SPINT4: variants seen among roughly 807,000 people sequenced by gnomAD.
The protein encoded by SPINT4 is kunitz-type protease inhibitor 4.
In SPINT4, 7 loss-of-function variants were observed where a neutral mutation model predicts 9.4. The ratio of observed to expected loss-of-function variants is 0.74; its 90% confidence interval spans 0.42 to 1.40. The LOEUF (loss-of-function observed/expected upper bound fraction) is 1.40. SPINT4 is among the 40% of genes most tolerant of loss of function. SPINT4 has a pLI of 0.01. For missense variants in SPINT4, 105 were observed against 114.4 expected, an observed-to-expected ratio of 0.92 and a Z score of 0.37; for synonymous variants, 36 against 39.9, an observed-to-expected ratio of 0.90 and a Z score of 0.37.
chr20:45,723,279 C>G lies in SPINT4; in HGVS notation c.116-601C>G, dbSNP rs1464630350. ...TGTTCCAACCACTTACTACCCAACT[C>G]TTAACAATAAAAACAGAGGGTTTGC... On this transcript the variant is annotated intron_variant, in intron 1 of 2. Coordinates refer to ENST00000279058, the MANE Select transcript of SPINT4 (RefSeq NM_178455.3). Among the ~76,000 whole-genome samples, 10 of 152,008 alleles carry G rather than the reference C, an allele frequency of 6.6e-5. 1 individual carries two copies. The highest frequency in any genetic ancestry group is 1.5e-4 in the Non-Finnish European group (10 of 67,962).
chr20:45,722,552 G>A, intron 1 of SPINT4, 70 bp downstream of exon 1: 1 of 1,175,182 alleles, frequency 8.5e-7, no homozygotes, highest in Non-Finnish European at 1.3e-6. Flanking sequence ...TGGGAGAAAA[G>A]TGTGTTATCT....
At chr20:45,724,668 A>G (rs929192594) in intron 2 of SPINT4, among the ~76,000 whole-genome samples, 1 of 151,598 alleles carries the variant, frequency 6.6e-6, no homozygotes, top group Non-Finnish European at 1.5e-5. Flanking sequence ...ATTAACATAT[A>G]TTGATATAAT....
At chr20:45,724,236 C>T (rs1420188673) in intron 2 of SPINT4, among the ~76,000 whole-genome samples, 179 bp downstream of exon 2, 1 of 151,934 alleles carries the variant, frequency 6.6e-6, no homozygotes, top group African/African-American at 2.4e-5. Context: ...TGCCTGTAAC[C>T]CCAGCACTTT....
At chr20:45,723,728 T>A in intron 1 of SPINT4, 152 bp from the exon 2 acceptor site, 1 of 653,032 alleles carries the variant, frequency 1.5e-6, no homozygotes. Context: ...TCCAAGCAAC[T>A]CTAACTCCAA....
At chr20:45,724,979 C>CAAAAAAAAAAAAAAAAAAAAA (rs1168670011) in intron 2 of SPINT4, among the ~76,000 whole-genome samples, 4 of 27,184 alleles carry the variant, frequency 1.5e-4, no homozygotes, top group African/African-American at 2.9e-4. Flanking sequence ...GACTCCATCT[C>CAAAAAAAAAAAAAAAAAAAAA]AAAAAAAAAA....
chr20:45,725,729 T>A lies in SPINT4; in HGVS notation c.*94T>A. The A allele has an allele frequency of 6.6e-7, 1 of 1,526,052 alleles. No individual in the cohort carries two copies. Among genetic ancestry groups the A allele is most frequent in the Non-Finnish European group, 9.1e-7 (1 of 1,100,240 alleles). 94.5% of individuals were successfully genotyped at this position (1,526,052 alleles called of 1,614,324 possible). A position where few individuals can be genotyped will look rare whatever the true frequency, so the allele number is the denominator to read the frequency against. The stretch of plus-strand genomic sequence containing the variant: ...TTTTGAAATCTTTGTAATATTTCCA[T>A]AATGCTTTAAGCTTCCATATGTTTG... On this transcript the variant is annotated 3_prime_UTR_variant, in exon 3 of 3. Coordinates refer to ENST00000279058, the MANE Select transcript of SPINT4 (RefSeq NM_178455.3).
intron 2 of SPINT4, 80 bp downstream of exon 2, chr20:45,724,137 T>A: frequency 7.1e-7 from 1 of 1,418,204 alleles, no homozygotes. Flanking sequence ...AGAAAATTGA[T>A]CAGGGGCTAA....
intron 2 of SPINT4, 49 bp downstream of exon 2, chr20:45,724,106 G>T (rs772470735): frequency 6.5e-7 from 1 of 1,541,032 alleles, no homozygotes; most frequent in Non-Finnish European, 8.7e-7. Context: ...TAAAAGAAGA[G>T]GTTTTGACAT....
intron 2 of SPINT4, 133 bp downstream of exon 2, chr20:45,724,190 GT>G (rs1325014842): frequency 9.9e-7 from 1 of 1,011,786 alleles, no homozygotes; most frequent in Non-Finnish European, 1.4e-6. Flanking sequence ...CAAATAAGAA[GT>G]TTTAACAGTT....
intron 2 of SPINT4, 131 bp from the exon 3 acceptor site, chr20:45,725,498 A>G (rs1978355411): frequency 1.1e-6 from 1 of 915,732 alleles, no homozygotes; most frequent in Admixed American, 2.0e-5. Flanking sequence ...AATCAATAAA[A>G]TAAGGGAAAC....
At chr20:45,723,812 C>A in intron 1 of SPINT4, 68 bp from the exon 2 acceptor site, 1 of 1,331,908 alleles carries the variant, frequency 7.5e-7, no homozygotes, top group Non-Finnish European at 1.0e-6. Context: ...TTTAAGGGCC[C>A]ATAAAGACAA....
At position 45,725,749 on chromosome 20, in the gene SPINT4, T is replaced by C. The variant is rs1316663165; in HGVS notation, c.*114T>C. On this transcript the variant is annotated 3_prime_UTR_variant, in exon 3 of 3. Transcript: ENST00000279058. ...TTCCATAATGCTTTAAGCTTCCATA[T>C]GTTTGCTATTTTCCTGACCCTAGTT... The C allele has an allele frequency of 2.6e-5, 35 of 1,365,488 alleles. 1 individual carries two copies. The highest frequency in any genetic ancestry group is 3.5e-5 in the Non-Finnish European group (34 of 961,392). The allele number at this position is 1,365,488 out of a possible 1,614,324, so 84.6% of individuals were successfully genotyped here.
intron 1 of SPINT4, among the ~76,000 whole-genome samples, chr20:45,722,816 G>C (rs1481786364): frequency 6.6e-6 from 1 of 152,120 alleles, no homozygotes; most frequent in East Asian, 1.9e-4. Context: ...AGAGAGAAAG[G>C]GGGTTGGAGA....
chr20:45,725,596 C>G (rs1303667026), intron 2 of SPINT4, 33 bp from the exon 3 acceptor site: 1 of 1,613,318 alleles, frequency 6.2e-7, no homozygotes, highest in African/African-American at 1.3e-5. Context: ...CCTGTAACAC[C>G]GATTTGGGTT....
At position 45,722,457 on chromosome 20, in the gene SPINT4, G is replaced by A. The variant is rs8117724; in HGVS notation, c.90G>A (p.Ala30=). 534 of 1,612,382 alleles carry A rather than the reference G, an allele frequency of 3.3e-4. 7 individuals are homozygous for A. Among genetic ancestry groups the A allele is most frequent in the Middle Eastern group, 1.3e-3 (8 of 6,062 alleles). Residue 30 remains alanine (A), a synonymous_variant, in exon 1 of 3, where the codon GCG becomes GCA. Transcript: ENST00000279058. ...TLLLGGVNKI[A]EKICGDLKDP... is the part of the protein sequence containing the mutation. The stretch of plus-strand genomic sequence containing the variant: ...TATTGGGTGGTGTTAATAAAATTGC[G>A]GAGAAGATATGTGGAGACCTCAAAG...
At chr20:45,724,178 C>A in intron 2 of SPINT4, 121 bp downstream of exon 2, 3 of 1,111,044 alleles carry the variant, frequency 2.7e-6, no homozygotes, top group East Asian at 2.7e-5. Flanking sequence ...GGGAGGATTG[C>A]TCAAATAAGA....
In SPINT4 at chr20:45,723,894, G is replaced by C. The variant is rs769960383; in HGVS notation, c.130G>C (p.Asp44His). 2.5e-6 allele frequency: 4 copies of C among 1,591,652 alleles called. No individual in the cohort carries two copies. Among genetic ancestry groups the C allele is most frequent in the East Asian group, 2.3e-5 (1 of 43,818 alleles). The change falls in exon 2 of 3, where the codon GAC (aspartate) becomes CAC (histidine). Residue 44 changes from aspartate to histidine, a missense_variant. Physicochemically the swap from Asp to His is moderately conservative, Grantham distance 81. Transcript: ENST00000279058. ...CGDLKDPCKL[D>H]MNFGSCYEVH... ...CTCTCATGCAGATCCCTGCAAATTG[G>C]ACATGAATTTTGGAAGCTGCTATGA... is the stretch of plus-strand genomic sequence containing the variant.
chr20:45,724,270 C>A (rs530677278), intron 2 of SPINT4, among the ~76,000 whole-genome samples: 1 of 151,886 alleles, frequency 6.6e-6, no homozygotes, highest in African/African-American at 2.4e-5. Context: ...GGGTGTATCA[C>A]CTGAGGTCAG....
rs553442605 is a variant in SPINT4 at position 45,725,221 on chromosome 20, A to T, written c.294-408A>T. Reference sequence around the variant, plus strand: ...AATTCTTGCACTCTCATACCTTTGAACTCTTCATAGCAACTTGCTGCTTTA... The same window carrying T: ...AATTCTTGCACTCTCATACCTTTGATCTCTTCATAGCAACTTGCTGCTTTA... On this transcript the variant is annotated intron_variant, in intron 2 of 2. Coordinates refer to ENST00000279058, the MANE Select transcript of SPINT4 (RefSeq NM_178455.3). 1.0e-3 allele frequency among the ~76,000 whole-genome samples: 157 copies of T among 151,042 alleles called. 2 individuals carry two copies. Among genetic ancestry groups the T allele is most frequent in the Non-Finnish European group, 1.2e-3 (84 of 67,736 alleles).
Sources: allele counts gnomAD v4.1 joint callset (sites outside exome capture counted in the v4.1 genomes callset), GRCh38; gene constraint gnomAD v4.1.1; transcripts MANE v1.5; gene names NCBI Gene and HGNC (gene_info 2026-07-23, HGNC 2026-07-21).